The following POLE2 variants were observed in gnomAD, a reference collection of about 807,000 sequenced individuals.
POLE2 encodes the protein DNA polymerase epsilon subunit 2.
A neutral mutation model predicts 79.4 loss-of-function variants in POLE2; 56 were observed. The observed-to-expected ratio is 0.71, with a 90% CI of 0.57 to 0.88. The LOEUF is 0.88. POLE2 is among the 40% of genes least tolerant of loss of function. The pLI, the probability that POLE2 is intolerant of heterozygous loss-of-function variation, is 0.00. For synonymous variants in POLE2, 212 were observed against 214.0 expected, an observed-to-expected ratio of 0.99 and a Z score of 0.08; for missense variants, 598 against 638.9, an observed-to-expected ratio of 0.94 and a Z score of 0.69.
At chr14:49,656,280 C>CG (rs894779029) in intron 10 of POLE2, among the ~76,000 whole-genome samples, 3 of 150,102 alleles carry the variant, frequency 2.0e-5, no homozygotes, top group East Asian at 2.0e-4. Context: ...GCGTGAACCC[C>CG]GGGGGGCGGA....
At chr14:49,677,405 G>T (rs1045379908) in intron 3 of POLE2, 3 of 479,288 alleles carry the variant, frequency 6.3e-6, no homozygotes, top group Admixed American at 3.4e-5. Flanking sequence ...TCATGCCAAG[G>T]GTTAGGCCCA....
At chr14:49,682,588 A>G (rs995437500) in intron 2 of POLE2, among the ~76,000 whole-genome samples, 29 of 148,438 alleles carry the variant, frequency 2.0e-4, no homozygotes, top group African/African-American at 7.0e-4. Context: ...AGTGAGCCGA[A>G]ATAGCACCAC....
intron 9 of POLE2, 87 bp downstream of exon 9, chr14:49,664,539 A>C: frequency 1.1e-6 from 1 of 871,194 alleles, no homozygotes; most frequent in Non-Finnish European, 1.9e-6. Flanking sequence ...GGTATCCCAA[A>C]TTATATCATG....
Position 49,655,397 on chromosome 14 carries a change from C to T in POLE2, c.928+274G>A, listed in dbSNP as rs911191163. ...TTTTGTTTTTGTTTAGAGATGGGGTCTCACTATGTTGTCCAGCTGGTCTTG... is the reference window on the plus strand; with the variant it reads ...TTTTGTTTTTGTTTAGAGATGGGGTTTCACTATGTTGTCCAGCTGGTCTTG... On this transcript the variant is annotated intron_variant, in intron 11 of 18. Transcript: ENST00000216367. Among the ~76,000 whole-genome samples, 7 of 151,772 alleles carry T rather than the reference C, an allele frequency of 4.6e-5. No individual in the cohort carries two copies. In the South Asian group the frequency reaches 8.3e-4, roughly 18 times the overall value.
intron 2 of POLE2, among the ~76,000 whole-genome samples, chr14:49,683,159 T>C (rs557833769): frequency 1.3e-5 from 2 of 152,286 alleles, no homozygotes; most frequent in East Asian, 1.9e-4. Context: ...CCTAGCACTT[T>C]GGGAGGCCGA....
chr14:49,659,346 G>A (rs68087003), intron 10 of POLE2, among the ~76,000 whole-genome samples: 33,059 of 151,714 alleles, frequency 0.22, 3,848 homozygotes, highest in Admixed American at 0.3. Flanking sequence ...TGAGGTTGCA[G>A]TGAGCTATAA....
At chr14:49,645,090 A>G (rs977712685) in intron 18 of POLE2, among the ~76,000 whole-genome samples, 3 of 150,298 alleles carry the variant, frequency 2.0e-5, no homozygotes, top group African/African-American at 7.3e-5. Context: ...GTACCTATAC[A>G]TGATGTACCT....
chr14:49,644,561 C>G (rs1008995052), intron 18 of POLE2, among the ~76,000 whole-genome samples: 1 of 151,586 alleles, frequency 6.6e-6, no homozygotes, highest in Non-Finnish European at 1.5e-5. Flanking sequence ...TATATGTGGG[C>G]TTATGCTTTA....
rs757794783 is a variant in POLE2 at position 49,674,421 on chromosome 14, G to A, written c.252C>T (p.His84=). ...CSQSVDETIE[H]VFNIIGAFDI... ...CAAATGCTCCTATGATATTGAAAAC[G>A]TGCTCTCTGAAAAACATCCCACAAA... is the stretch of plus-strand genomic sequence containing the variant. Residue 84 remains histidine (H), a synonymous_variant, in exon 4 of 19, where the codon CAC becomes CAT. Coordinates refer to ENST00000216367, the MANE Select transcript of POLE2 (RefSeq NM_002692.4). 24 of 1,603,658 alleles carry A rather than the reference G, an allele frequency of 1.5e-5. No homozygotes were observed. In the South Asian group the frequency reaches 2.0e-4, roughly 13 times the overall value.
At chr14:49,648,103 T>C (rs998169687) in intron 17 of POLE2, among the ~76,000 whole-genome samples, 1 of 152,244 alleles carries the variant, frequency 6.6e-6, no homozygotes, top group Non-Finnish European at 1.5e-5. Flanking sequence ...TGTACCTGTT[T>C]GATTCCCTTC....
chr14:49,684,233 C>A (rs566870198), intron 1 of POLE2, among the ~76,000 whole-genome samples: 11 of 152,124 alleles, frequency 7.2e-5, no homozygotes, highest in African/African-American at 2.6e-4. Context: ...GAGGCCGAGG[C>A]GGGCGGATCA....
chr14:49,648,380 C>G (rs955716675), intron 17 of POLE2, among the ~76,000 whole-genome samples: 4 of 152,110 alleles, frequency 2.6e-5, no homozygotes, highest in Non-Finnish European at 5.9e-5. Context: ...TGGTGGTTTA[C>G]TCACAGGGAT....
intron 15 of POLE2, among the ~76,000 whole-genome samples, chr14:49,653,090 A>C (rs1277716047): frequency 6.6e-6 from 1 of 152,262 alleles, no homozygotes; most frequent in African/African-American, 2.4e-5. Flanking sequence ...AACATGGAGA[A>C]GTCTACAGAA....
chr14:49,667,193 A>C (rs979772644), intron 6 of POLE2, among the ~76,000 whole-genome samples: 1 of 151,930 alleles, frequency 6.6e-6, no homozygotes, highest in Admixed American at 6.6e-5. Flanking sequence ...TCAAAAAAAA[A>C]ACAAAAAAAA....
intron 5 of POLE2, among the ~76,000 whole-genome samples, chr14:49,670,782 T>C (rs1206950864): frequency 1.3e-5 from 2 of 152,206 alleles, no homozygotes; most frequent in Admixed American, 6.5e-5. Flanking sequence ...AGGTGGGACA[T>C]GGAAAGAGAC....
chr14:49,650,319 T>G lies in POLE2; in HGVS notation c.1443A>C (p.Ala481=), dbSNP rs747370669. ...TCGTAGTGAAAGGATCATATTTGTCTGCAATGACAAGTAGATCGGGCACAG... is the reference window on the plus strand; with the variant it reads ...TCGTAGTGAAAGGATCATATTTGTCGGCAATGACAAGTAGATCGGGCACAG... ...VYPVPDLLVI[A]DKYDPFTTTN... is the part of the protein sequence containing the mutation. The change falls in exon 17 of 19, where the codon GCA becomes GCC. Residue 481 remains alanine (A), a synonymous_variant. Transcript: ENST00000216367. 4.3e-6 allele frequency: 7 copies of G among 1,611,002 alleles called. No homozygotes were observed. The highest frequency in any genetic ancestry group is 5.9e-6 in the Non-Finnish European group (7 of 1,178,286).
chr14:49,654,258 A>T (rs1884487216), intron 13 of POLE2, 44 bp from the exon 14 acceptor site: 1 of 1,330,402 alleles, frequency 7.5e-7, no homozygotes, highest in African/African-American at 1.5e-5. Context: ...TATTATTGTA[A>T]CACTATCCAA....
At chr14:49,652,410 C>T (rs940680533) in intron 15 of POLE2, among the ~76,000 whole-genome samples, 16 of 151,824 alleles carry the variant, frequency 1.1e-4, no homozygotes, top group African/African-American at 3.9e-4. Flanking sequence ...GCTCCTCAAC[C>T]TCCAGGCCAT....
intron 15 of POLE2, chr14:49,653,779 A>AG (rs11423310): frequency 1 from 435,299 of 435,300 alleles, 217,649 homozygotes; most frequent in Middle Eastern, 1. Context: ...CAGCCTCTTC[A>AG]TAGAACCACA....
Sources: gnomAD v4.1 joint callset for allele counts (sites outside exome capture counted in the v4.1 genomes callset) on GRCh38, gnomAD v4.1.1 for gene constraint, MANE v1.5 for transcripts, NCBI Gene and HGNC (gene_info 2026-07-23, HGNC 2026-07-21) for gene names.